AKAP8L: variants seen among roughly 807,000 people sequenced by gnomAD.
The protein encoded by AKAP8L is A-kinase anchoring protein 8 like, also known as A-kinase anchor protein 8-like.
AKAP8L carries 34 observed loss-of-function variants against 77.5 expected under a neutral mutation model. That is an observed-to-expected ratio of 0.44 (90% CI 0.33 to 0.58). The LOEUF is 0.58. AKAP8L is among the 20% of genes least tolerant of loss of function. The pLI is 0.02. For missense variants in AKAP8L, 806 were observed against 887.6 expected, an observed-to-expected ratio of 0.91 and a Z score of 1.17; for synonymous variants, 342 against 340.7, an observed-to-expected ratio of 1.00 and a Z score of -0.04.
rs142916973 is a variant in AKAP8L, at chr19:15,405,869, C to T, written c.89-1827G>A. 3.3e-3 allele frequency among the ~76,000 whole-genome samples: 507 copies of T among 151,882 alleles called. 3 individuals are homozygous for T. Among genetic ancestry groups the T allele is most frequent in the African/African-American group, 0.011 (469 of 41,394 alleles). ...CCTGGGAGGTGGAGGTTGCAGCGAG[C>T]CAAGATTGCACCACTGCACTACAGG... On this transcript the variant is annotated intron_variant, in intron 2 of 13. Transcript: ENST00000397410.
chr19:15,403,286 G>C lies in AKAP8L; in HGVS notation c.362+189C>G. 1.6e-6 allele frequency: 1 copy of C among 611,436 alleles called. No individual in the cohort carries two copies. The highest frequency in any genetic ancestry group is 1.9e-5 in the South Asian group (1 of 52,562). 37.9% of individuals were successfully genotyped at this position (611,436 alleles called of 1,614,324 possible). ...GCTGACCACCAGGCAGTGCGGCAGG[G>C]GTTGAGGGTGGGTGAGAGGAGACAC... On this transcript the variant is annotated intron_variant, in intron 4 of 13. Coordinates refer to ENST00000397410, the MANE Select transcript of AKAP8L (RefSeq NM_014371.4). This position sits in a 1 kb window ranked among gnomAD's most constrained non-coding sequence, Gnocchi z 4.3.
At chr19:15,415,986 A>G (rs936957978) in intron 1 of AKAP8L, among the ~76,000 whole-genome samples, 1 of 151,926 alleles carries the variant, frequency 6.6e-6, no homozygotes, top group African/African-American at 2.4e-5. Context: ...TCGCAGAGCT[A>G]ACTTTTTTAT....
chr19:15,403,003 G>A lies in AKAP8L; in HGVS notation c.362+472C>T, dbSNP rs578152566. ...AGGTACATGTTTGTAAGGCACAGGA[G>A]AGTAACCAGGAAATGCCCACACCTG... On this transcript the variant is annotated intron_variant, in intron 4 of 13. Coordinates refer to ENST00000397410, the MANE Select transcript of AKAP8L (RefSeq NM_014371.4). The surrounding 1 kb of genome is among the most constrained non-coding windows in gnomAD (Gnocchi z 4.3). 2.3e-4 allele frequency among the ~76,000 whole-genome samples: 35 copies of A among 152,276 alleles called. No homozygotes were observed. Among genetic ancestry groups the A allele is most frequent in the African/African-American group, 7.9e-4 (33 of 41,564 alleles).
At chr19:15,386,419 G>GA (rs1967539777) in intron 12 of AKAP8L, among the ~76,000 whole-genome samples, 1 of 152,112 alleles carries the variant, frequency 6.6e-6, no homozygotes, top group Non-Finnish European at 1.5e-5. Context: ...TAAAGTCTCT[G>GA]AAAATGTTCC....
chr19:15,405,859 T>C (rs1200468394), intron 2 of AKAP8L, among the ~76,000 whole-genome samples: 1 of 151,100 alleles, frequency 6.6e-6, no homozygotes, highest in Non-Finnish European at 1.5e-5. Flanking sequence ...GAGGTGGAGG[T>C]TGCAGCGAGC....
chr19:15,407,097 A>G (rs987608388), intron 2 of AKAP8L, among the ~76,000 whole-genome samples: 8 of 152,076 alleles, frequency 5.3e-5, no homozygotes, highest in Non-Finnish European at 1.0e-4. Flanking sequence ...CTCTAGAAAA[A>G]ATACAAAAAA....
At chr19:15,418,298 G>A (rs1174669904) in intron 1 of AKAP8L, among the ~76,000 whole-genome samples, 1 of 152,220 alleles carries the variant, frequency 6.6e-6, no homozygotes, top group East Asian at 1.9e-4. Context: ...TTTGACAGAC[G>A]CAGAGGGAAT....
chr19:15,384,183 C>T (rs536257736), intron 12 of AKAP8L, among the ~76,000 whole-genome samples: 2 of 151,546 alleles, frequency 1.3e-5, no homozygotes, highest in African/African-American at 2.4e-5. Context: ...CACCTGCCTC[C>T]GCCTCCCAAA....
chr19:15,395,100 G>T (rs1306837442), intron 12 of AKAP8L, among the ~76,000 whole-genome samples: 3 of 152,072 alleles, frequency 2.0e-5, no homozygotes, highest in South Asian at 4.2e-4. Flanking sequence ...CACGATCTTG[G>T]CTTACTGCAA....
intron 12 of AKAP8L, among the ~76,000 whole-genome samples, chr19:15,395,983 C>CAA (rs751904092): frequency 0.012 from 495 of 40,488 alleles, 27 homozygotes; most frequent in East Asian, 0.031. Context: ...GACTCCGTCT[C>CAA]AAAAAAAAAA....
At chr19:15,405,939 A>C (rs2145139664) in intron 2 of AKAP8L, among the ~76,000 whole-genome samples, 1 of 152,136 alleles carries the variant, frequency 6.6e-6, no homozygotes, top group South Asian at 2.1e-4. Flanking sequence ...AAAAGAAAGA[A>C]AAGAAAAAGA....
Position 15,399,890 on chromosome 19 carries a change from TG to T in AKAP8L, c.1048+404del, listed in dbSNP as rs1056193056. On this transcript the variant is annotated intron_variant, in intron 8 of 13. Coordinates refer to ENST00000397410, the MANE Select transcript of AKAP8L (RefSeq NM_014371.4). The surrounding 1 kb of genome is among the most constrained non-coding windows in gnomAD (Gnocchi z 6.1). ...GGAATCCCAACAGGGGCTGGAGAGG[TG>T]CTAAGGGAGAGGATACGCACACCAG... is the stretch of plus-strand genomic sequence containing the variant. 3.1e-6 allele frequency: 1 copy of T among 323,726 alleles called. No individual in the cohort carries two copies. Among genetic ancestry groups the T allele is most frequent in the Non-Finnish European group, 5.8e-6 (1 of 172,208 alleles). The allele number at this position is 323,726 out of a possible 1,614,324, so 20.1% of individuals were successfully genotyped here.
chr19:15,386,680 G>T (rs1425919478), intron 12 of AKAP8L, among the ~76,000 whole-genome samples: 5 of 151,948 alleles, frequency 3.3e-5, no homozygotes, highest in Admixed American at 2.0e-4. Context: ...TTTCTGAGTT[G>T]GAGTTTCACT....
chr19:15,414,086 C>CG (rs1397712175), intron 1 of AKAP8L, among the ~76,000 whole-genome samples: 5 of 117,270 alleles, frequency 4.3e-5, no homozygotes, highest in Admixed American at 1.0e-4. Context: ...TTTTTTGAGA[C>CG]GGAGTTTCAC....
At chr19:15,400,744 G>A (rs1967876288) in intron 7 of AKAP8L, 50 bp downstream of exon 7, 2 of 1,604,110 alleles carry the variant, frequency 1.2e-6, no homozygotes, top group Non-Finnish European at 8.5e-7. Context: ...CACTCTTTAG[G>A]CCAGCTCGCC....
At position 15,403,882 on chromosome 19, in the gene AKAP8L, A is replaced by T; in HGVS notation, c.121+128T>A. On this transcript the variant is annotated intron_variant, in intron 3 of 13. Coordinates refer to ENST00000397410, the MANE Select transcript of AKAP8L (RefSeq NM_014371.4). The surrounding 1 kb of genome is among the most constrained non-coding windows in gnomAD (Gnocchi z 4.3). ...GTCATTCTGATGAGGGCCTCCTGTT[A>T]AGGAGTAGGTAACCCCAGAAACATG... 2 of 1,188,234 alleles carry T rather than the reference A, an allele frequency of 1.7e-6. No individual in the cohort carries two copies. Among genetic ancestry groups the T allele is most frequent in the Non-Finnish European group, 2.4e-6 (2 of 822,722 alleles). 73.6% of individuals were successfully genotyped at this position (1,188,234 alleles called of 1,614,324 possible). A position where few individuals can be genotyped will look rare whatever the true frequency, so the allele number is the denominator to read the frequency against.
chr19:15,390,231 C>T (rs944331585), intron 12 of AKAP8L, among the ~76,000 whole-genome samples: 7 of 151,932 alleles, frequency 4.6e-5, no homozygotes, highest in African/African-American at 1.7e-4. Flanking sequence ...GCCTGGGTAA[C>T]ATGACAAAAC....
chr19:15,380,436 G>C lies in AKAP8L; in HGVS notation c.1633-6C>G. On this transcript the variant is annotated splice_polypyrimidine_tract_variant and splice_region_variant and intron_variant, in intron 13 of 13. Transcript: ENST00000397410. ...TCGGTGAAAGGGTTCTCGCCCTGTG[G>C]GGAGGGGCGCGGACACTGAAGGGAG... 6.2e-7 allele frequency: 1 copy of C among 1,608,394 alleles called. No individual in the cohort carries two copies. The highest frequency in any genetic ancestry group is 8.5e-7 in the Non-Finnish European group (1 of 1,177,858).
At position 15,384,302 on chromosome 19, in the gene AKAP8L, G is replaced by GTT. The variant is rs35204682; in HGVS notation, c.1537-3692_1537-3691dup. Among the ~76,000 whole-genome samples the GTT allele has an allele frequency of 5.1e-3, 708 of 137,900 alleles. 8 individuals carry two copies. The highest frequency in any genetic ancestry group is 0.044 in the South Asian group (195 of 4,424). 90.5% of individuals were successfully genotyped at this position (137,900 alleles called of 152,430 possible). A position where few individuals can be genotyped will look rare whatever the true frequency, so the allele number is the denominator to read the frequency against. On this transcript the variant is annotated intron_variant, in intron 12 of 13. Transcript: ENST00000397410. ...CTCAAGCCTTTCTTCTTCCCTCCCT[G>GTT]TTTTTTTTTTTTTTGAGACGGAGTT... is the stretch of plus-strand genomic sequence containing the variant.
Sources: gnomAD v4.1 joint callset for allele counts (sites outside exome capture counted in the v4.1 genomes callset) on GRCh38, gnomAD v4.1.1 for gene constraint, Gnocchi (gnomAD v3.1) non-coding constraint, MANE v1.5 for transcripts, NCBI Gene and HGNC (gene_info 2026-07-23, HGNC 2026-07-21) for gene names.